FAT4: variants seen among roughly 807,000 people sequenced by gnomAD.
FAT4 encodes protocadherin Fat 4.
FAT4 carries 84 observed loss-of-function variants against 303.9 expected under a neutral mutation model. The observed-to-expected ratio is 0.28, with a 90% CI of 0.23 to 0.33. The LOEUF (loss-of-function observed/expected upper bound fraction) is 0.33, where lower values mean the gene tolerates loss of function less well. Among genes scored for constraint, FAT4 ranks in the 10% least tolerant of loss-of-function variants. The probability of loss-of-function intolerance (pLI) is 1.00; values close to 1 mark genes in which losing one functional copy is unlikely to be tolerated. For missense variants in FAT4, 6,005 were observed against 6,146.8 expected, an observed-to-expected ratio of 0.98 and a Z score of 0.77; for synonymous variants, 2,307 against 2,298.8, an observed-to-expected ratio of 1.00 and a Z score of -0.10.
Position 125,449,598 on chromosome 4 carries a change from T to C in FAT4, c.8588T>C (p.Phe2863Ser), listed in dbSNP as rs1560614899. 12 of 1,613,850 alleles carry C rather than the reference T, an allele frequency of 7.4e-6. No individual in the cohort carries two copies. The East Asian group carries it at 2.7e-4, about 36-fold the overall frequency. Residue 2863 changes from phenylalanine to serine, a missense_variant, in exon 10 of 18, where the codon TTT becomes TCT. Physicochemically the swap from Phe to Ser is radical, Grantham distance 155. Transcript: ENST00000394329. ...GWTVSTDVTIFVTDINDNAPR... is the reference protein window; with the variant it reads ...GWTVSTDVTISVTDINDNAPR... ...ACTGTAAGTACAGATGTCACAATAT[T>C]TGTGACAGACATCAATGACAATGCT... is the stretch of plus-strand genomic sequence containing the variant.
Position 125,320,610 on chromosome 4 carries a change from G to A in FAT4, c.4199G>A (p.Arg1400His), listed in dbSNP as rs376791829. Residue 1400 changes from arginine (R) to histidine (H), a missense_variant, in exon 2 of 18, where the codon CGT (arginine) becomes CAT (histidine). Transcript: ENST00000394329. ...ITAKDQGRPP[R>H]SSTMSVVIHV... ...GCAAAAGACCAAGGAAGACCTCCTC[G>A]TTCATCTACAATGTCAGTGGTTATT... 106 of 1,614,086 alleles carry A rather than the reference G, an allele frequency of 6.6e-5. No homozygotes were observed. The African/African-American group carries it at 1.2e-3, about 18-fold the overall frequency.
At chr4:125,401,050 A>G (rs1385509590) in intron 3 of FAT4, among the ~76,000 whole-genome samples, 1 of 152,030 alleles carries the variant, frequency 6.6e-6, no homozygotes. Context: ...GGGAGTAACT[A>G]GGTGCACCTA....
intron 17 of FAT4, among the ~76,000 whole-genome samples, chr4:125,489,695 A>G (rs1727536618): frequency 6.6e-6 from 1 of 152,164 alleles, no homozygotes; most frequent in African/African-American, 2.4e-5. Flanking sequence ...GGTCATGGTA[A>G]TCTTAACGCA....
Position 125,345,086 on chromosome 4 carries a change from G to C in FAT4, c.5175+23500G>C, listed in dbSNP as rs149228367. 9.2e-5 allele frequency among the ~76,000 whole-genome samples: 14 copies of C among 152,112 alleles called. No individual in the cohort carries two copies. The East Asian group carries it at 1.5e-3, about 17-fold the overall frequency. ...GGTTTGAACTGCTAGTAAAAACAAA[G>C]GTCATCCTTTATTTAAATTCCCACA... On this transcript the variant is annotated intron_variant, in intron 2 of 17. Coordinates refer to ENST00000394329, the MANE Select transcript of FAT4 (RefSeq NM_001291303.3).
Position 125,460,589 on chromosome 4 carries a change from T to A in FAT4, c.11801-2974T>A, listed in dbSNP as rs371162859. On this transcript the variant is annotated intron_variant, in intron 10 of 17. Transcript: ENST00000394329. The stretch of plus-strand genomic sequence containing the variant: ...CTGAGGATAATAGCCTCCAGCTCCA[T>A]CCATGTTCCCACAAAAGACATAATC... Among the ~76,000 whole-genome samples, 43 of 152,212 alleles carry A rather than the reference T, an allele frequency of 2.8e-4. No homozygotes were observed. In the East Asian group the frequency reaches 3.3e-3, roughly 12 times the overall value.
intron 7 of FAT4, among the ~76,000 whole-genome samples, chr4:125,417,211 C>T (rs1735110985): frequency 6.6e-6 from 1 of 152,098 alleles, no homozygotes; most frequent in Admixed American, 6.5e-5. Flanking sequence ...TGGATGTGAC[C>T]TTACACTCTA....
chr4:125,392,726 A>C (rs539689738), intron 2 of FAT4, among the ~76,000 whole-genome samples: 63 of 152,326 alleles, frequency 4.1e-4, no homozygotes, highest in Non-Finnish European at 7.5e-4. Flanking sequence ...AGTGAATAAA[A>C]TGTTTTTTAA....
In FAT4 at chr4:125,318,720, A is replaced by G. The variant is rs200550937; in HGVS notation, c.2309A>G (p.Asn770Ser). 3.7e-6 allele frequency: 6 copies of G among 1,613,938 alleles called. No homozygotes were observed. The African/African-American group carries it at 4.0e-5, about 11-fold the overall frequency. Residue 770 changes from asparagine (N) to serine (S), a missense_variant, in exon 2 of 18, where the codon AAT becomes AGT. Transcript: ENST00000394329. ...CAAATAGTAGCTACTGATGGTGGCAATTTACAATCTCCCAACCAGGCAATA... is the reference window on the plus strand; with the variant it reads ...CAAATAGTAGCTACTGATGGTGGCAGTTTACAATCTCCCAACCAGGCAATA... ...QLQIVATDGGNLQSPNQAIVT... is the reference protein window; with the variant it reads ...QLQIVATDGGSLQSPNQAIVT...
intron 2 of FAT4, among the ~76,000 whole-genome samples, chr4:125,382,820 G>T (rs1733593096): frequency 6.6e-6 from 1 of 152,160 alleles, no homozygotes; most frequent in Admixed American, 6.5e-5. Flanking sequence ...AATTATCTTT[G>T]CTAGATCTTC....
At chr4:125,454,685 T>C (rs1726216604) in intron 10 of FAT4, among the ~76,000 whole-genome samples, 1 of 152,010 alleles carries the variant, frequency 6.6e-6, no homozygotes, top group Admixed American at 6.6e-5. Flanking sequence ...ATACAAAAAT[T>C]AGCTGGGCGT....
intron 2 of FAT4, among the ~76,000 whole-genome samples, chr4:125,364,386 C>G (rs1033893397): frequency 6.6e-6 from 1 of 152,048 alleles, no homozygotes; most frequent in Non-Finnish European, 1.5e-5. Flanking sequence ...TTTAGCCCCC[C>G]GTGAATTTCA....
chr4:125,449,245 A>G lies in FAT4; in HGVS notation c.8235A>G (p.Ile2745Met). 6.2e-7 allele frequency: 1 copy of G among 1,613,978 alleles called. No individual in the cohort carries two copies. The highest frequency in any genetic ancestry group is 8.5e-7 in the Non-Finnish European group (1 of 1,179,916). ...REKVSHYVLTIKSSDKGSPSQ... is the reference protein window; with the variant it reads ...REKVSHYVLTMKSSDKGSPSQ... ...AAGTATCTCATTATGTCCTAACCAT[A>G]AAATCATCAGACAAAGGGTCCCCGT... is the stretch of plus-strand genomic sequence containing the variant. Residue 2745 changes from isoleucine (I) to methionine (M), a missense_variant, in exon 10 of 18, where the codon ATA becomes ATG. Physicochemically the swap from Ile to Met is conservative, Grantham distance 10. Coordinates refer to ENST00000394329, the MANE Select transcript of FAT4 (RefSeq NM_001291303.3).
At chr4:125,335,405 G>A (rs1014564715) in intron 2 of FAT4, among the ~76,000 whole-genome samples, 3 of 151,974 alleles carry the variant, frequency 2.0e-5, no homozygotes, top group African/African-American at 4.8e-5. Flanking sequence ...TGATTTTCTC[G>A]GAGTGCTGTT....
chr4:125,365,340 G>A (rs1268059432), intron 2 of FAT4, among the ~76,000 whole-genome samples: 1 of 152,148 alleles, frequency 6.6e-6, no homozygotes, highest in African/African-American at 2.4e-5. Context: ...AAGTAGCCAC[G>A]AGCTTGGATA....
chr4:125,489,089 T>C (rs2046468616), intron 17 of FAT4, among the ~76,000 whole-genome samples: 1 of 152,188 alleles, frequency 6.6e-6, no homozygotes, highest in Non-Finnish European at 1.5e-5. Context: ...ATTTAAGGCA[T>C]AAAAGTTAAA....
chr4:125,362,844 C>T (rs1350740426), intron 2 of FAT4: 1 of 151,964 alleles, frequency 6.6e-6, no homozygotes, highest in Non-Finnish European at 1.5e-5. Flanking sequence ...AATGAGTTAT[C>T]TCAACTGATT....
intron 8 of FAT4, among the ~76,000 whole-genome samples, chr4:125,444,050 T>TA (rs1201752889): frequency 2.0e-5 from 3 of 152,188 alleles, no homozygotes; most frequent in Non-Finnish European, 4.4e-5. Flanking sequence ...TCATTCATTT[T>TA]AAAAAATACT....
At chr4:125,428,492 G>GTCTC (rs910597170) in intron 7 of FAT4, among the ~76,000 whole-genome samples, 11 of 150,910 alleles carry the variant, frequency 7.3e-5, no homozygotes, top group African/African-American at 2.7e-4. Context: ...CCTGTGCACA[G>GTCTC]TCTCTCTCTC....
intron 5 of FAT4, among the ~76,000 whole-genome samples, chr4:125,414,190 T>C (rs1734951386): frequency 3.3e-5 from 5 of 152,058 alleles, no homozygotes; most frequent in Admixed American, 2.6e-4. Flanking sequence ...AATCATTTTC[T>C]GAAGTGAGGA....
Sources: allele counts gnomAD v4.1 joint callset (sites outside exome capture counted in the v4.1 genomes callset), GRCh38; gene constraint gnomAD v4.1.1; transcripts MANE v1.5; gene names NCBI Gene and HGNC (gene_info 2026-07-23, HGNC 2026-07-21).